The following SNTB1 variants were observed in gnomAD, a reference collection of about 807,000 sequenced individuals.
SNTB1 encodes the protein syntrophin beta 1, also known as beta-1-syntrophin.
In SNTB1, 36 loss-of-function variants were observed where a neutral mutation model predicts 48.9. The observed-to-expected ratio is 0.74, with a 90% CI of 0.56 to 0.97. SNTB1 has a LOEUF of 0.97. Ranked by LOEUF, SNTB1 falls within the 50% of genes least tolerant of loss-of-function variation. The pLI, the probability that SNTB1 is intolerant of heterozygous loss-of-function variation, is 0.00. For synonymous variants in SNTB1, 299 were observed against 294.6 expected (o/e 1.01, Z -0.15); for missense variants, 786 against 703.4 (o/e 1.12, Z -1.33).
chr8:120,550,493 G>C (rs1328501273), intron 4 of SNTB1, among the ~76,000 whole-genome samples: 1 of 147,322 alleles, frequency 6.8e-6, no homozygotes, highest in African/African-American at 2.5e-5. Context: ...AGTGAGCTGA[G>C]ATTGCACCAC....
At chr8:120,776,079 C>A (rs1449725274) in intron 1 of SNTB1, among the ~76,000 whole-genome samples, 1 of 152,140 alleles carries the variant, frequency 6.6e-6, no homozygotes, top group Admixed American at 6.5e-5. Context: ...CCAGCCATCC[C>A]ATTACTGGGT....
chr8:120,734,446 CAA>C lies in SNTB1; in HGVS notation c.572-40540_572-40539del, dbSNP rs58092888. ...TGTGTGACAGAGCGAGATTCTGTCT[CAA>C]AAAAAAAAAAAAAGCTTTATTTGCA... is the stretch of plus-strand genomic sequence containing the variant. On this transcript the variant is annotated intron_variant, in intron 1 of 6. Transcript: ENST00000517992. Among the ~76,000 whole-genome samples, 151 of 109,554 alleles carry C rather than the reference CAA, an allele frequency of 1.4e-3. 1 individual carries two copies. Among genetic ancestry groups the C allele is most frequent in the East Asian group, 0.013 (54 of 4,302 alleles). 71.9% of individuals were successfully genotyped at this position (109,554 alleles called of 152,430 possible). A position where few individuals can be genotyped will look rare whatever the true frequency, so the allele number is the denominator to read the frequency against.
rs1245946014 is a variant in SNTB1, at chr8:120,538,822, C to T, written c.*55G>A. The T allele has an allele frequency of 8.7e-6, 12 of 1,386,016 alleles. No individual in the cohort carries two copies. Among genetic ancestry groups the T allele is most frequent in the African/African-American group, 1.4e-5 (1 of 70,440 alleles). The allele number at this position is 1,386,016 out of a possible 1,614,324, so 85.9% of individuals were successfully genotyped here. ...TCACTACAGATGGTGTCTGACATCA[C>T]GTTCTCTGGTGGCATTGCAGCCCTT... On this transcript the variant is annotated 3_prime_UTR_variant, in exon 7 of 7. Coordinates refer to ENST00000517992, the MANE Select transcript of SNTB1 (RefSeq NM_021021.4).
intron 1 of SNTB1, among the ~76,000 whole-genome samples, chr8:120,787,325 T>C (rs1404293143): frequency 1.3e-5 from 2 of 152,018 alleles, no homozygotes; most frequent in African/African-American, 4.8e-5. Context: ...AACAGCATTC[T>C]CTAATATCCC....
chr8:120,561,854 G>A (rs1180579107), intron 4 of SNTB1, among the ~76,000 whole-genome samples: 3 of 152,172 alleles, frequency 2.0e-5, no homozygotes, highest in African/African-American at 7.2e-5. Flanking sequence ...ACTAATAGGA[G>A]CCTATCAAGT....
rs148599679 is a variant in SNTB1, at chr8:120,591,145, T to C, written c.997-15920A>G. ...GTCAGCATCGTGGATTCTCAGATGC[T>C]TCCCTCCTAGATTTTCCTCTGTCCT... is the stretch of plus-strand genomic sequence containing the variant. On this transcript the variant is annotated intron_variant, in intron 3 of 6. Transcript: ENST00000517992. Among the ~76,000 whole-genome samples, 383 of 152,328 alleles carry C rather than the reference T, an allele frequency of 2.5e-3. 1 individual carries two copies. The highest frequency in any genetic ancestry group is 8.8e-3 in the African/African-American group (365 of 41,578).
At chr8:120,662,235 A>G (rs923054633) in intron 2 of SNTB1, among the ~76,000 whole-genome samples, 4 of 152,248 alleles carry the variant, frequency 2.6e-5, no homozygotes, top group Non-Finnish European at 1.5e-5. Flanking sequence ...CAAGTTTTAA[A>G]TTGTCATGCA....
chr8:120,811,826 C>T lies in SNTB1; in HGVS notation c.18G>A (p.Ala6=), dbSNP rs1354653193. 7.4e-7 allele frequency: 1 copy of T among 1,350,408 alleles called. No individual in the cohort carries two copies. The highest frequency in any genetic ancestry group is 2.1e-5 in the South Asian group (1 of 47,198). The allele number at this position is 1,350,408 out of a possible 1,614,324, so 83.7% of individuals were successfully genotyped here. The change falls in exon 1 of 7, where the codon GCG becomes GCA. Residue 6 remains alanine, a synonymous_variant. Transcript: ENST00000517992. MAVAA[A]AAAAGPAGAG... Reference sequence around the variant, plus strand: ...CGCCAGCCGGCCCAGCCGCCGCCGCCGCCGCCGCTACCGCCATCTTTCCGG... The same window carrying T: ...CGCCAGCCGGCCCAGCCGCCGCCGCTGCCGCCGCTACCGCCATCTTTCCGG...
intron 5 of SNTB1, among the ~76,000 whole-genome samples, chr8:120,547,365 G>A (rs1563813969): frequency 6.6e-6 from 1 of 152,066 alleles, no homozygotes; most frequent in African/African-American, 2.4e-5. Flanking sequence ...GGAAGTCAAG[G>A]CACATAGATC....
At chr8:120,790,188 C>T (rs1445818608) in intron 1 of SNTB1, among the ~76,000 whole-genome samples, 2 of 151,968 alleles carry the variant, frequency 1.3e-5, no homozygotes, top group Non-Finnish European at 2.9e-5. Flanking sequence ...AATCCAGCAT[C>T]CTTTTATGAT....
At chr8:120,607,268 A>C (rs934462988) in intron 3 of SNTB1, among the ~76,000 whole-genome samples, 3 of 152,236 alleles carry the variant, frequency 2.0e-5, no homozygotes, top group African/African-American at 7.2e-5. Flanking sequence ...GTATCTAAAC[A>C]AATATCCAGT....
At chr8:120,677,000 G>A (rs1817847961) in intron 2 of SNTB1, among the ~76,000 whole-genome samples, 1 of 150,838 alleles carries the variant, frequency 6.6e-6, no homozygotes, top group Non-Finnish European at 1.5e-5. Context: ...GGAGGTCAAG[G>A]TTGCAGTGAG....
intron 1 of SNTB1, among the ~76,000 whole-genome samples, chr8:120,784,849 T>C (rs1819895816): frequency 6.6e-6 from 1 of 152,192 alleles, no homozygotes; most frequent in African/African-American, 2.4e-5. Context: ...GGCAGCAGCC[T>C]ACACTGTGAA....
chr8:120,768,972 A>G (rs1441649404), intron 1 of SNTB1: 1 of 152,206 alleles, frequency 6.6e-6, no homozygotes, highest in Non-Finnish European at 1.5e-5. Flanking sequence ...ACTGATGCAC[A>G]CTACCAGTGG....
chr8:120,585,794 C>G (rs7843835), intron 3 of SNTB1, among the ~76,000 whole-genome samples: 110,267 of 152,122 alleles, frequency 0.72, 40,916 homozygotes, highest in Non-Finnish European at 0.82. Flanking sequence ...GTTTCTAAAA[C>G]AGTGAAGCCA....
intron 2 of SNTB1, among the ~76,000 whole-genome samples, chr8:120,690,628 T>C (rs994746503): frequency 2.6e-5 from 4 of 152,226 alleles, no homozygotes; most frequent in African/African-American, 9.6e-5. Flanking sequence ...TTTCTGTTGT[T>C]ATTTAATAGT....
intron 4 of SNTB1, among the ~76,000 whole-genome samples, chr8:120,573,850 A>G (rs886438831): frequency 3.9e-5 from 6 of 152,094 alleles, no homozygotes; most frequent in Non-Finnish European, 7.4e-5. Context: ...AAATGGGTGA[A>G]TTTATTTTTG....
At chr8:120,680,391 CT>C (rs1303245078) in intron 2 of SNTB1, among the ~76,000 whole-genome samples, 1 of 152,180 alleles carries the variant, frequency 6.6e-6, no homozygotes, top group Non-Finnish European at 1.5e-5. Flanking sequence ...GGAGCAATAT[CT>C]CAATTGCTAG....
At chr8:120,621,536 A>G (rs1180214291) in intron 3 of SNTB1, among the ~76,000 whole-genome samples, 1 of 152,224 alleles carries the variant, frequency 6.6e-6, no homozygotes, top group Non-Finnish European at 1.5e-5. Flanking sequence ...GAGCCAAAAT[A>G]AAGTAGTAGG....
Sources: gnomAD v4.1 joint callset for allele counts (sites outside exome capture counted in the v4.1 genomes callset) on GRCh38, gnomAD v4.1.1 for gene constraint, MANE v1.5 for transcripts, NCBI Gene and HGNC (gene_info 2026-07-23, HGNC 2026-07-21) for gene names.